The following KIF16B variants were observed in gnomAD, a reference collection of about 807,000 sequenced individuals.
The protein encoded by KIF16B is kinesin family member 16B, also known as kinesin-like protein KIF16B.
In KIF16B, 98 loss-of-function variants were observed where a neutral mutation model predicts 156.3. The observed-to-expected ratio is 0.63, with a 90% CI of 0.53 to 0.74. The LOEUF (loss-of-function observed/expected upper bound fraction) is 0.74. Ranked by LOEUF, KIF16B falls within the 30% of genes least tolerant of loss-of-function variation. The pLI is 0.00. For missense variants in KIF16B, 1,421 were observed against 1,606.5 expected (o/e 0.88, Z 1.97); for synonymous variants, 564 against 583.7 (o/e 0.97, Z 0.49).
chr20:16,463,476 T>C (rs529485272), intron 12 of KIF16B, among the ~76,000 whole-genome samples: 6 of 152,346 alleles, frequency 3.9e-5, no homozygotes, highest in African/African-American at 1.4e-4. Flanking sequence ...TGAAGTCCGA[T>C]GTTTTTTAAC....
intron 24 of KIF16B, among the ~76,000 whole-genome samples, chr20:16,327,068 T>TACACACACAC (rs35869892): frequency 5.3e-4 from 76 of 143,050 alleles, no homozygotes; most frequent in Admixed American, 1.7e-3. Flanking sequence ...TGTATACATG[T>TACACACACAC]ACACACACAC....
chr20:16,484,838 C>G (rs1479495948), intron 12 of KIF16B, among the ~76,000 whole-genome samples: 1 of 152,268 alleles, frequency 6.6e-6, no homozygotes, highest in Middle Eastern at 3.4e-3. Flanking sequence ...AAGACAGGAA[C>G]ATACACTCAT....
intron 12 of KIF16B, among the ~76,000 whole-genome samples, chr20:16,450,152 T>C (rs1290427087): frequency 6.6e-6 from 1 of 152,180 alleles, no homozygotes; most frequent in South Asian, 2.1e-4. Context: ...TTATGAGCAT[T>C]TGGTCAAAAA....
chr20:16,544,047 A>C (rs917003858), intron 1 of KIF16B, among the ~76,000 whole-genome samples: 2 of 152,200 alleles, frequency 1.3e-5, no homozygotes, highest in African/African-American at 2.4e-5. Flanking sequence ...CAGCCAGTAT[A>C]TTTAGAGAAT....
At chr20:16,439,365 C>T (rs1295416342) in intron 12 of KIF16B, among the ~76,000 whole-genome samples, 1 of 152,128 alleles carries the variant, frequency 6.6e-6, no homozygotes, top group African/African-American at 2.4e-5. Context: ...ATGCATAAAA[C>T]ACTACAATGG....
chr20:16,316,168 A>C (rs2063695154), intron 24 of KIF16B, among the ~76,000 whole-genome samples: 1 of 152,232 alleles, frequency 6.6e-6, no homozygotes, highest in Admixed American at 6.5e-5. Context: ...AATTTCATCT[A>C]TCTAAATCCT....
chr20:16,371,714 A>G lies in KIF16B; in HGVS notation c.3398T>C (p.Leu1133Ser). 1 of 1,614,054 alleles carries G rather than the reference A, an allele frequency of 6.2e-7. No homozygotes were observed. Among genetic ancestry groups the G allele is most frequent in the Non-Finnish European group, 8.5e-7 (1 of 1,179,972 alleles). The change falls in exon 21 of 26, where the codon TTG becomes TCG. Residue 1133 changes from leucine to serine, a missense_variant. Coordinates refer to ENST00000354981, the MANE Select transcript of KIF16B (RefSeq NM_024704.5). ...GCAGCCTTCACTAATCACACGATGCAAATCCTGAAGGCGTCTTTGGACTTC... is the reference window on the plus strand; with the variant it reads ...GCAGCCTTCACTAATCACACGATGCGAATCCTGAAGGCGTCTTTGGACTTC... ...EEEVQRRLQD[L>S]HRVISEGCST...
At chr20:16,319,351 C>T (rs982859954) in intron 24 of KIF16B, among the ~76,000 whole-genome samples, 3 of 152,188 alleles carry the variant, frequency 2.0e-5, no homozygotes, top group African/African-American at 7.2e-5. Flanking sequence ...GTACTATCTT[C>T]AGATTTTTTT....
intron 24 of KIF16B, among the ~76,000 whole-genome samples, chr20:16,331,505 C>A (rs1044704840): frequency 6.6e-6 from 1 of 152,178 alleles, no homozygotes; most frequent in Non-Finnish European, 1.5e-5. Flanking sequence ...CTTTTCGATA[C>A]TTCTTAGCTT....
intron 24 of KIF16B, among the ~76,000 whole-genome samples, chr20:16,324,434 T>C (rs1243950364): frequency 6.6e-6 from 1 of 152,024 alleles, no homozygotes; most frequent in Non-Finnish European, 1.5e-5. Context: ...AAATGAAAAC[T>C]GGACTATTCA....
intron 1 of KIF16B, among the ~76,000 whole-genome samples, chr20:16,542,707 A>G (rs1235684433): frequency 6.6e-6 from 1 of 152,228 alleles, no homozygotes; most frequent in African/African-American, 2.4e-5. Flanking sequence ...AGAGAAACGG[A>G]AACAAAGTAG....
At position 16,371,693 on chromosome 20, in the gene KIF16B, C is replaced by G. The variant is rs547335822; in HGVS notation, c.3419G>C (p.Gly1140Ala). Residue 1140 changes from glycine (G) to alanine (A), a missense_variant, in exon 21 of 26, where the codon GGC (glycine) becomes GCC (alanine). Coordinates refer to ENST00000354981, the MANE Select transcript of KIF16B (RefSeq NM_024704.5). ...LQDLHRVISE[G>A]CSTSADTMKD... ...CATCGTGTCTGCAGATGTACTGCAG[C>G]CTTCACTAATCACACGATGCAAATC... 128 of 1,613,672 alleles carry G rather than the reference C, an allele frequency of 7.9e-5. 1 individual carries two copies. In the South Asian group the frequency reaches 1.4e-3, roughly 17 times the overall value.
At chr20:16,552,926 C>T (rs2070720303) in intron 1 of KIF16B, among the ~76,000 whole-genome samples, 1 of 151,986 alleles carries the variant, frequency 6.6e-6, no homozygotes, top group Admixed American at 6.6e-5. Context: ...CCACTACACC[C>T]AGCTAATTTT....
At chr20:16,340,091 C>T (rs2064114031) in intron 23 of KIF16B, among the ~76,000 whole-genome samples, 1 of 152,214 alleles carries the variant, frequency 6.6e-6, no homozygotes, top group Non-Finnish European at 1.5e-5. Context: ...CTCCCTGGCT[C>T]TTCCACAACC....
intron 15 of KIF16B, among the ~76,000 whole-genome samples, chr20:16,410,906 T>C (rs1353583912): frequency 1.3e-5 from 2 of 152,084 alleles, no homozygotes; most frequent in African/African-American, 4.8e-5. Context: ...CCTTAGTTCC[T>C]GTAGGGGCTG....
At chr20:16,451,313 T>C (rs1473218217) in intron 12 of KIF16B, among the ~76,000 whole-genome samples, 16 of 151,468 alleles carry the variant, frequency 1.1e-4, no homozygotes, top group Non-Finnish European at 1.2e-4. Context: ...ACACATTTCA[T>C]AGAATAATGA....
chr20:16,433,279 T>G (rs1204938689), intron 12 of KIF16B, among the ~76,000 whole-genome samples: 2 of 152,260 alleles, frequency 1.3e-5, no homozygotes, highest in Admixed American at 6.5e-5. Context: ...TAGGTCCACA[T>G]GAAAAGGAAA....
chr20:16,459,469 G>A lies in KIF16B; in HGVS notation c.1303-29487C>T, dbSNP rs561279779. 1.2e-4 allele frequency among the ~76,000 whole-genome samples: 18 copies of A among 152,156 alleles called. 1 individual carries two copies. The South Asian group carries it at 3.7e-3, about 32-fold the overall frequency. ...TCCAAAAGTAGCAGCACACTTCCCC[G>A]GGCTGTGGAGTACAGCACACTGTCT... On this transcript the variant is annotated intron_variant, in intron 12 of 25. Transcript: ENST00000354981.
chr20:16,448,020 A>T (rs558819948), intron 12 of KIF16B, among the ~76,000 whole-genome samples: 1 of 152,298 alleles, frequency 6.6e-6, no homozygotes, highest in South Asian at 2.1e-4. Context: ...AGACAGGAAG[A>T]TTTCTATCTG....
Sources: gnomAD v4.1 joint callset for allele counts (sites outside exome capture counted in the v4.1 genomes callset) on GRCh38, gnomAD v4.1.1 for gene constraint, MANE v1.5 for transcripts, NCBI Gene and HGNC (gene_info 2026-07-23, HGNC 2026-07-21) for gene names.